CIAO3: variants seen among roughly 807,000 people sequenced by gnomAD.
CIAO3 encodes the protein LET1 like/JFP15.
In CIAO3, 45 loss-of-function variants were observed where a neutral mutation model predicts 51.5. That is an observed-to-expected ratio of 0.87 (90% CI 0.69 to 1.12). The LOEUF (loss-of-function observed/expected upper bound fraction) is 1.12. CIAO3 is among the 50% of genes most tolerant of loss of function. CIAO3 has a pLI of 0.00. For synonymous variants in CIAO3, 314 were observed against 269.3 expected (o/e 1.17, Z -1.63); for missense variants, 668 against 632.5 (o/e 1.06, Z -0.60).
chr16:739,537 G>A, intron 2 of CIAO3, 106 bp downstream of exon 2: 1 of 1,130,762 alleles, frequency 8.8e-7, no homozygotes, highest in Non-Finnish European at 1.3e-6. Flanking sequence ...AGACTGGTGA[G>A]ACCTGGAGTG....
intron 9 of CIAO3, 26 bp from the exon 10 acceptor site, chr16:731,026 TAC>T: frequency 1.2e-6 from 2 of 1,610,772 alleles, no homozygotes; most frequent in Non-Finnish European, 1.7e-6. Context: ...GGGGTTTGTC[TAC>T]ATGGCACACC....
chr16:739,298 C>G (rs1002418827), intron 2 of CIAO3: 3 of 142,356 alleles, frequency 2.1e-5, no homozygotes, highest in Non-Finnish European at 3.3e-5. Context: ...GACTCTGTAT[C>G]AAACAAACAA....
intron 2 of CIAO3, among the ~76,000 whole-genome samples, chr16:738,807 C>A (rs1040285956): frequency 7.3e-5 from 11 of 150,448 alleles, no homozygotes; most frequent in African/African-American, 2.0e-4. Context: ...GCCACGACAC[C>A]CAACTAATTT....
intron 7 of CIAO3, 175 bp from the exon 8 acceptor site, chr16:732,548 G>A: frequency 1.4e-6 from 1 of 734,242 alleles, no homozygotes; most frequent in Non-Finnish European, 2.4e-6. Flanking sequence ...AGCCCCTCTG[G>A]AGGCTGCCTG....
rs74670464 is a variant in CIAO3, at chr16:737,540, C to A, written c.163-211G>T. The A allele has an allele frequency of 2.8e-3, 4,196 of 1,511,094 alleles. 100 individuals carry two copies. The African/African-American group carries it at 0.052, about 19-fold the overall frequency. The allele number at this position is 1,511,094 out of a possible 1,614,324, so 93.6% of individuals were successfully genotyped here. A position where few individuals can be genotyped will look rare whatever the true frequency, so the allele number is the denominator to read the frequency against. ...TGCCGTCAAGTCTGCTTCTTGGTAC[C>A]ACTTGGTTAGTGCATCCGAATCACA... On this transcript the variant is annotated intron_variant, in intron 2 of 10. Transcript: ENST00000251588. The surrounding 1 kb of genome is among the most constrained non-coding windows in gnomAD (Gnocchi z 5.3).
intron 1 of CIAO3, chr16:740,596 G>T (rs537184534): frequency 4.5e-6 from 2 of 444,198 alleles, no homozygotes; most frequent in East Asian, 4.5e-5. Flanking sequence ...TGTGGGAGCC[G>T]CCTCTGCTGC....
intron 4 of CIAO3, among the ~76,000 whole-genome samples, chr16:735,906 G>A (rs1318328337): frequency 3.3e-5 from 5 of 152,178 alleles, no homozygotes; most frequent in African/African-American, 9.6e-5. Context: ...AAGACACCCA[G>A]ATCCTCCCCA....
intron 5 of CIAO3, 64 bp downstream of exon 5, chr16:734,673 A>G (rs747749364): frequency 6.8e-6 from 11 of 1,612,232 alleles, no homozygotes; most frequent in South Asian, 4.4e-5. Flanking sequence ...ATTTGTGTCC[A>G]TATCACCTCA....
intron 4 of CIAO3, among the ~76,000 whole-genome samples, chr16:735,922 A>G (rs777890722): frequency 5.9e-5 from 9 of 152,220 alleles, no homozygotes; most frequent in Non-Finnish European, 1.2e-4. Flanking sequence ...CCCCAAGCCC[A>G]GCTCCAGGCA....
At chr16:739,138 A>G (rs2041367378) in intron 2 of CIAO3, among the ~76,000 whole-genome samples, 1 of 151,626 alleles carries the variant, frequency 6.6e-6, no homozygotes, top group African/African-American at 2.4e-5. Flanking sequence ...TCTACTAAAA[A>G]TACAAAAAAC....
At chr16:735,990 G>C (rs1233875087) in intron 4 of CIAO3, among the ~76,000 whole-genome samples, 1 of 152,194 alleles carries the variant, frequency 6.6e-6, no homozygotes, top group Admixed American at 6.5e-5. Flanking sequence ...CCCGGAGAGA[G>C]TGCCTTAATA....
chr16:733,206 A>G, intron 7 of CIAO3, 92 bp downstream of exon 7: 2 of 1,512,892 alleles, frequency 1.3e-6, no homozygotes, highest in South Asian at 2.4e-5. Context: ...GGGCCCCCAC[A>G]GGCAGGATCC....
rs2041350469 is a variant in CIAO3, at chr16:737,391, G to A, written c.163-62C>T. On this transcript the variant is annotated intron_variant, in intron 2 of 10. Transcript: ENST00000251588. This position sits in a 1 kb window ranked among gnomAD's most constrained non-coding sequence, Gnocchi z 5.3. ...TCTGCACGAGGACATGGAGACAGAG[G>A]ATAGTGGAGTCCAGCTCATAACCGA... is the stretch of plus-strand genomic sequence containing the variant. 2.5e-6 allele frequency: 4 copies of A among 1,604,184 alleles called. No individual in the cohort carries two copies. Among genetic ancestry groups the A allele is most frequent in the Admixed American group, 3.3e-5 (2 of 59,814 alleles).
chr16:730,489 A>G lies in CIAO3; in HGVS notation c.1359T>C (p.Cys453=), dbSNP rs745546896. Residue 453 remains cysteine (C), a synonymous_variant, in exon 11 of 11, where the codon TGT becomes TGC. Transcript: ENST00000251588. ...ACTGCGTATGCAGCAAGCGACCTGC[A>G]CACTCCGAGTCCGTGCCCTGCAGCC... is the stretch of plus-strand genomic sequence containing the variant. The part of the protein sequence containing the change: ...THWLQGTDSE[C]AGRLLHTQYH... 7 of 1,609,450 alleles carry G rather than the reference A, an allele frequency of 4.3e-6. No homozygotes were observed. In the South Asian group the frequency reaches 7.7e-5, roughly 18 times the overall value.
intron 1 of CIAO3, chr16:740,673 A>G: frequency 1.9e-6 from 1 of 533,322 alleles, no homozygotes; most frequent in Non-Finnish European, 3.3e-6. Flanking sequence ...GCCCGCCCGG[A>G]CACCATGGGG....
Position 730,087 on chromosome 16 carries a change from C to CCCT in CIAO3, c.*327_*329dup. ...AGGCAACCCCGGGACAGGCTGAAGC[C>CCCT]CCTCACGCACTTGGGTGCCCGACCA... is the stretch of plus-strand genomic sequence containing the variant. On this transcript the variant is annotated 3_prime_UTR_variant, in exon 11 of 11. Transcript: ENST00000251588. 6.5e-6 allele frequency: 3 copies of CCCT among 462,146 alleles called. No homozygotes were observed. In the South Asian group the frequency reaches 7.2e-5, roughly 11 times the overall value. 28.6% of individuals were successfully genotyped at this position (462,146 alleles called of 1,614,324 possible).
In CIAO3 at chr16:734,323, GTCT is replaced by G; in HGVS notation, c.596_598del (p.Lys199del). ...GTGGGGGAGGATGAAGCTGCCGTGA[GTCT>G]TCTCGGCATAGCAGATCCAGCCTGA... On this transcript the variant is annotated inframe_deletion, in exon 6 of 11. Transcript: ENST00000251588. 6.2e-7 allele frequency: 1 copy of G among 1,611,408 alleles called. No homozygotes were observed. Among genetic ancestry groups the G allele is most frequent in the African/African-American group, 1.3e-5 (1 of 75,018 alleles).
rs371712505 is a variant in CIAO3 at position 737,364 on chromosome 16, C to T, written c.163-35G>A. ...AGAAGAACCCGGTGCACAGGGGCCC[C>T]CTCTGCACGAGGACATGGAGACAGA... On this transcript the variant is annotated intron_variant, in intron 2 of 10. Transcript: ENST00000251588. The surrounding 1 kb of genome is among the most constrained non-coding windows in gnomAD (Gnocchi z 5.3). 2.6e-5 allele frequency: 42 copies of T among 1,611,110 alleles called. No homozygotes were observed. The Middle Eastern group carries it at 1.8e-3, about 69-fold the overall frequency.
In CIAO3 at chr16:730,353, T is replaced by G. The variant is rs550330211; in HGVS notation, c.*64A>C. On this transcript the variant is annotated 3_prime_UTR_variant, in exon 11 of 11. Coordinates refer to ENST00000251588, the MANE Select transcript of CIAO3 (RefSeq NM_022493.3). ...AATTTTGGGGGAAGCCCTGGGGTCT[T>G]GGGGCATGTGGTTCTGCTGTCACAC... 1 of 1,499,104 alleles carries G rather than the reference T, an allele frequency of 6.7e-7. No individual in the cohort carries two copies. Among genetic ancestry groups the G allele is most frequent in the East Asian group, 2.3e-5 (1 of 44,254 alleles). 92.9% of individuals were successfully genotyped at this position (1,499,104 alleles called of 1,614,324 possible).
Sources: gnomAD v4.1 joint callset for allele counts (sites outside exome capture counted in the v4.1 genomes callset) on GRCh38, gnomAD v4.1.1 for gene constraint, Gnocchi (gnomAD v3.1) non-coding constraint, MANE v1.5 for transcripts, NCBI Gene and HGNC (gene_info 2026-07-23, HGNC 2026-07-21) for gene names.